GNG4: variants seen among roughly 807,000 people sequenced by gnomAD.
The protein encoded by GNG4 is guanine nucleotide-binding protein G(I)/G(S)/G(O) subunit gamma-4.
GNG4 carries 4 observed loss-of-function variants against 5.8 expected under a neutral mutation model. The ratio of observed to expected loss-of-function variants is 0.69; its 90% CI spans 0.34 to 1.57. The LOEUF is 1.57. GNG4 is among the 40% of genes most tolerant of loss of function. The pLI is 0.06. For missense variants in GNG4, 96 were observed against 95.1 expected (o/e 1.01, Z -0.04); for synonymous variants, 29 against 32.9 (o/e 0.88, Z 0.41).
chr1:235,625,462 T>C (rs1327940094), intron 1 of GNG4, among the ~76,000 whole-genome samples: 1 of 152,150 alleles, frequency 6.6e-6, no homozygotes, highest in Admixed American at 6.6e-5. Context: ...TAGTTTACAA[T>C]AGGGCTCACT....
At chr1:235,569,463 A>AAG (rs1687282299) in intron 3 of GNG4, among the ~76,000 whole-genome samples, 1 of 151,582 alleles carries the variant, frequency 6.6e-6, no homozygotes, top group Admixed American at 6.6e-5. Flanking sequence ...GTCTCAAAAA[A>AAG]AAAAAAAGAA....
At chr1:235,595,931 T>C (rs1163470541) in intron 1 of GNG4, among the ~76,000 whole-genome samples, 1 of 151,922 alleles carries the variant, frequency 6.6e-6, no homozygotes, top group East Asian at 1.9e-4. Flanking sequence ...TCCCAGCACT[T>C]TGGGAGGCCG....
intron 3 of GNG4, among the ~76,000 whole-genome samples, chr1:235,570,866 G>A (rs1410554084): frequency 6.8e-6 from 1 of 147,890 alleles, no homozygotes; most frequent in Admixed American, 6.7e-5. Context: ...ATATATATGT[G>A]TGTGTGTGTG....
intron 1 of GNG4, among the ~76,000 whole-genome samples, chr1:235,606,681 CAGG>C (rs1433574211): frequency 6.6e-6 from 1 of 152,120 alleles, no homozygotes; most frequent in Non-Finnish European, 1.5e-5. Flanking sequence ...GGCCAGCAGA[CAGG>C]AGGACTGATA....
chr1:235,593,438 G>A (rs771915229), intron 2 of GNG4, among the ~76,000 whole-genome samples: 20 of 152,170 alleles, frequency 1.3e-4, no homozygotes, highest in Non-Finnish European at 2.1e-4. Flanking sequence ...CCCCAACTAC[G>A]ACTTCTGTCC....
intron 2 of GNG4, among the ~76,000 whole-genome samples, chr1:235,585,076 T>A (rs1216011486): frequency 6.6e-6 from 1 of 151,902 alleles, no homozygotes; most frequent in Admixed American, 6.6e-5. Context: ...TGGACTCCAG[T>A]CTATTCTTTC....
At chr1:235,619,725 TTTTA>T (rs1688668470) in intron 1 of GNG4, among the ~76,000 whole-genome samples, 1 of 152,238 alleles carries the variant, frequency 6.6e-6, no homozygotes, top group Non-Finnish European at 1.5e-5. Context: ...ATCTTTTCTG[TTTTA>T]TTTTTCTAAA....
At chr1:235,590,377 C>A (rs1191942894) in intron 2 of GNG4, among the ~76,000 whole-genome samples, 1 of 152,050 alleles carries the variant, frequency 6.6e-6, no homozygotes, top group East Asian at 1.9e-4. Flanking sequence ...ATTGCTTGAA[C>A]CTGGAAGGCA....
At chr1:235,578,763 GCT>G (rs1687546074) in intron 3 of GNG4, among the ~76,000 whole-genome samples, 1 of 152,102 alleles carries the variant, frequency 6.6e-6, no homozygotes, top group Non-Finnish European at 1.5e-5. Flanking sequence ...GCTACCTGAG[GCT>G]GTGGGGTGGT....
chr1:235,618,862 G>A (rs1199381058), intron 1 of GNG4, among the ~76,000 whole-genome samples: 1 of 151,176 alleles, frequency 6.6e-6, no homozygotes, highest in Non-Finnish European at 1.5e-5. Flanking sequence ...CACCATGTTG[G>A]CCGGGCTGGT....
At chr1:235,604,981 T>C (rs1688329095) in intron 1 of GNG4, among the ~76,000 whole-genome samples, 1 of 152,170 alleles carries the variant, frequency 6.6e-6, no homozygotes, top group Non-Finnish European at 1.5e-5. Flanking sequence ...AAGCAGAATT[T>C]ATAACCTATA....
intron 1 of GNG4, among the ~76,000 whole-genome samples, chr1:235,625,539 A>G (rs1415455799): frequency 6.6e-6 from 1 of 152,110 alleles, no homozygotes; most frequent in Non-Finnish European, 1.5e-5. Flanking sequence ...TTATGGTGTC[A>G]CACAGAGGAG....
chr1:235,579,898 C>T lies in GNG4; in HGVS notation c.99+3842G>A, dbSNP rs189199330. On this transcript the variant is annotated intron_variant, in intron 3 of 3. Coordinates refer to ENST00000391854, the MANE Select transcript of GNG4 (RefSeq NM_001098722.2). ...GTTGAACATAGAGTTACCCTATGAT[C>T]CAGCAATTCCACTTGTGGGTACCCA... Among the ~76,000 whole-genome samples the T allele has an allele frequency of 5.5e-5, 8 of 146,624 alleles. No homozygotes were observed. In the East Asian group the frequency reaches 1.6e-3, roughly 30 times the overall value.
intron 1 of GNG4, among the ~76,000 whole-genome samples, chr1:235,595,989 T>A (rs1688113074): frequency 1.4e-5 from 2 of 147,452 alleles, no homozygotes; most frequent in Non-Finnish European, 3.0e-5. Context: ...CTTGGCTAAC[T>A]GGGTGAAACC....
At chr1:235,633,983 GGTCCTAGGAAAGGTTCAT>G (rs754771750) in intron 1 of GNG4, among the ~76,000 whole-genome samples, 1 of 152,174 alleles carries the variant, frequency 6.6e-6, no homozygotes, top group Non-Finnish European at 1.5e-5. Context: ...ATAAAGCTCT[GGTCCTAGGAAAGGTTCAT>G]GGTGGGAAAT....
In GNG4 at chr1:235,619,042, G is replaced by A. The variant is rs988987028; in HGVS notation, c.-122-23531C>T. 2.7e-5 allele frequency among the ~76,000 whole-genome samples: 4 copies of A among 145,482 alleles called. No individual in the cohort carries two copies. In the East Asian group the frequency reaches 8.5e-4, roughly 31 times the overall value. On this transcript the variant is annotated intron_variant, in intron 1 of 3. Coordinates refer to ENST00000391854, the MANE Select transcript of GNG4 (RefSeq NM_001098722.2). ...AGCTGGGTGTGGTGAGTTCACGCCTGTAATCCCAGCACTTTGGGAGGCTGA... is the reference window on the plus strand; with the variant it reads ...AGCTGGGTGTGGTGAGTTCACGCCTATAATCCCAGCACTTTGGGAGGCTGA...
At chr1:235,588,313 C>T (rs1687875721) in intron 2 of GNG4, among the ~76,000 whole-genome samples, 1 of 152,074 alleles carries the variant, frequency 6.6e-6, no homozygotes, top group Non-Finnish European at 1.5e-5. Context: ...TGTGCGTCCA[C>T]TCTCCAGCCC....
intron 3 of GNG4, among the ~76,000 whole-genome samples, chr1:235,564,781 G>C (rs1687152086): frequency 6.6e-6 from 1 of 152,170 alleles, no homozygotes; most frequent in South Asian, 2.1e-4. Flanking sequence ...TGCCTCCCGG[G>C]TTCAAGCGAT....
chr1:235,626,734 G>A (rs184084061), intron 1 of GNG4, among the ~76,000 whole-genome samples: 7 of 152,190 alleles, frequency 4.6e-5, no homozygotes, highest in Middle Eastern at 3.4e-3. Context: ...CAAGGCAGTC[G>A]GATCACCTGA....
Sources: allele counts gnomAD v4.1 joint callset (sites outside exome capture counted in the v4.1 genomes callset), GRCh38; gene constraint gnomAD v4.1.1; transcripts MANE v1.5; gene names NCBI Gene and HGNC (gene_info 2026-07-23, HGNC 2026-07-21).